The following ANOS1 variants were observed in gnomAD, a reference collection of about 807,000 sequenced individuals.
ANOS1 encodes the protein anosmin-1.
Under a neutral mutation model 59.0 loss-of-function variants are expected in ANOS1, and 6 were observed. The observed-to-expected ratio is 0.10, with a 90% CI of 0.06 to 0.20. The LOEUF is 0.20. Among genes scored for constraint, ANOS1 ranks in the 10% least tolerant of loss-of-function variants. ANOS1 has a pLI of 1.00. For synonymous variants in ANOS1, 217 were observed against 223.4 expected, an observed-to-expected ratio of 0.97 and a Z score of 0.25; for missense variants, 433 against 542.3, an observed-to-expected ratio of 0.80 and a Z score of 2.00.
intron 2 of ANOS1, among the ~76,000 whole-genome samples, chrX:8,648,317 C>T (rs766333054): frequency 4.5e-5 from 5 of 110,109 alleles, no homozygotes; most frequent in Non-Finnish European, 9.5e-5. Context: ...AAAAATTAGC[C>T]GGGCATGGTG....
intron 4 of ANOS1, among the ~76,000 whole-genome samples, chrX:8,595,333 A>C (rs1453427830): frequency 8.9e-6 from 1 of 111,903 alleles, no homozygotes; most frequent in Non-Finnish European, 1.9e-5. Context: ...GACCACAATA[A>C]AACTTTAAAA....
At chrX:8,550,868 T>A (rs943994148) in intron 9 of ANOS1, among the ~76,000 whole-genome samples, 12 of 111,252 alleles carry the variant, frequency 1.1e-4, no homozygotes, top group African/African-American at 2.9e-4. Context: ...TTTGGCTATG[T>A]CCCCACCCAA....
intron 3 of ANOS1, among the ~76,000 whole-genome samples, chrX:8,611,545 G>A (rs5934457): frequency 0.38 from 42,010 of 110,028 alleles, 5,801 homozygotes; most frequent in Middle Eastern, 0.44. Context: ...ATACTTAACC[G>A]TATTGCTTCA....
chrX:8,580,504 A>G (rs1158844968), intron 6 of ANOS1, among the ~76,000 whole-genome samples: 1 of 112,226 alleles, frequency 8.9e-6, no homozygotes, highest in Non-Finnish European at 1.9e-5. Context: ...TCTATGAATA[A>G]CTTAGAATTT....
intron 7 of ANOS1, 29 bp from the exon 8 acceptor site, chrX:8,568,405 G>A: frequency 8.4e-7 from 1 of 1,186,397 alleles, no homozygotes. Flanking sequence ...TACCCAAAAT[G>A]CGTTACAAAC....
chrX:8,608,207 T>C (rs1930977410), intron 3 of ANOS1, among the ~76,000 whole-genome samples: 1 of 112,071 alleles, frequency 8.9e-6, no homozygotes, highest in African/African-American at 3.2e-5. Context: ...ACACTTAGCA[T>C]GGATCCTAGC....
At chrX:8,574,842 C>T (rs1461085581) in intron 6 of ANOS1, among the ~76,000 whole-genome samples, 1 of 111,466 alleles carries the variant, frequency 9.0e-6, no homozygotes, top group Non-Finnish European at 1.9e-5. Context: ...TTTATATATA[C>T]ATCTATCCTA....
At chrX:8,642,272 C>T (rs1371076749) in intron 2 of ANOS1, among the ~76,000 whole-genome samples, 2 of 111,642 alleles carry the variant, frequency 1.8e-5, no homozygotes, top group East Asian at 2.8e-4. Flanking sequence ...AGATTACATG[C>T]TGTATGATTC....
chrX:8,726,898 G>T (rs1015955124), intron 1 of ANOS1, among the ~76,000 whole-genome samples: 1 of 111,924 alleles, frequency 8.9e-6, no homozygotes, highest in African/African-American at 3.2e-5. Context: ...TAAGAGGAGA[G>T]ATGTTTCTCC....
chrX:8,639,090 A>G (rs184473126), intron 2 of ANOS1, among the ~76,000 whole-genome samples: 8 of 111,936 alleles, frequency 7.1e-5, no homozygotes, highest in Admixed American at 3.8e-4. Context: ...TTATCAAATG[A>G]TAAGATTCCC....
chrX:8,561,712 G>A (rs1284415191), intron 8 of ANOS1, among the ~76,000 whole-genome samples: 1 of 109,095 alleles, frequency 9.2e-6, no homozygotes, highest in Admixed American at 9.9e-5. Context: ...CTCCCAAATT[G>A]CTGGGATTAT....
At chrX:8,654,977 G>A (rs149052580) in intron 2 of ANOS1, among the ~76,000 whole-genome samples, 1 of 111,767 alleles carries the variant, frequency 8.9e-6, no homozygotes, top group South Asian at 3.7e-4. Context: ...CTGCTTTCAC[G>A]CTATGTCAGC....
At chrX:8,719,670 C>T (rs1226608459) in intron 1 of ANOS1, among the ~76,000 whole-genome samples, 2 of 111,836 alleles carry the variant, frequency 1.8e-5, no homozygotes, top group East Asian at 5.6e-4. Context: ...CGAGAGCCAC[C>T]GCACCTGGCC....
In ANOS1 at chrX:8,695,393, C is replaced by T. The variant is rs189447569; in HGVS notation, c.255+4305G>A. The stretch of plus-strand genomic sequence containing the variant: ...ATGTCAGTTTTGCGAACAGTTTATT[C>T]TGGAGTGGCCAAGGGCATACCACAT... On this transcript the variant is annotated intron_variant, in intron 2 of 13. Transcript: ENST00000262648. Among the ~76,000 whole-genome samples, 298 of 111,917 alleles carry T rather than the reference C, an allele frequency of 2.7e-3. 1 individual carries two copies. The highest frequency in any genetic ancestry group is 4.7e-3 in the Non-Finnish European group (251 of 53,166).
At chrX:8,696,499 A>C (rs1424047093) in intron 2 of ANOS1, among the ~76,000 whole-genome samples, 2 of 112,396 alleles carry the variant, frequency 1.8e-5, no homozygotes, top group Admixed American at 1.9e-4. Context: ...TACAGAGTAC[A>C]TGATGACAAT....
chrX:8,629,419 C>CAGGGGA (rs1931449892), intron 2 of ANOS1, among the ~76,000 whole-genome samples: 1 of 111,305 alleles, frequency 9.0e-6, no homozygotes, highest in Non-Finnish European at 1.9e-5. Flanking sequence ...TGATAAAGCA[C>CAGGGGA]TTTATGCCAC....
At chrX:8,666,180 A>T (rs1183002688) in intron 2 of ANOS1, among the ~76,000 whole-genome samples, 3 of 111,617 alleles carry the variant, frequency 2.7e-5, no homozygotes, top group African/African-American at 9.8e-5. Flanking sequence ...CAGGTGACAG[A>T]GCAACAACCT....
intron 2 of ANOS1, among the ~76,000 whole-genome samples, chrX:8,660,380 T>A (rs752826296): frequency 8.0e-5 from 9 of 111,885 alleles, no homozygotes; most frequent in Non-Finnish European, 1.1e-4. Context: ...TTCTCCCTGA[T>A]GAGTTATTAA....
chrX:8,726,221 G>A (rs1371555919), intron 1 of ANOS1, among the ~76,000 whole-genome samples: 3 of 111,175 alleles, frequency 2.7e-5, no homozygotes, highest in Admixed American at 9.6e-5. Flanking sequence ...GGAGAGGCTG[G>A]CCCTCTAAGT....
Sources: gnomAD v4.1 joint callset for allele counts (sites outside exome capture counted in the v4.1 genomes callset) on GRCh38, gnomAD v4.1.1 for gene constraint, MANE v1.5 for transcripts, NCBI Gene and HGNC (gene_info 2026-07-23, HGNC 2026-07-21) for gene names.